Variants in EGLN2 observed in about 807,000 individuals in gnomAD.
EGLN2 encodes the protein egl-9 family hypoxia inducible factor 2, also known as prolyl hydroxylase EGLN2.
In EGLN2, 15 loss-of-function variants were observed where a neutral mutation model predicts 38.2. That is an observed-to-expected ratio of 0.39 (90% CI 0.26 to 0.60). The LOEUF (loss-of-function observed/expected upper bound fraction) is 0.60. Ranked by LOEUF, EGLN2 falls within the 20% of genes least tolerant of loss-of-function variation. The probability of loss-of-function intolerance (pLI) is 0.50; values close to 1 mark genes in which losing one functional copy is unlikely to be tolerated. For synonymous variants in EGLN2, 284 were observed against 237.4 expected (o/e 1.20, Z -1.81); for missense variants, 492 against 570.4 (o/e 0.86, Z 1.40).
Position 40,801,094 on chromosome 19 carries a change from CGAGCGCCT to C in EGLN2, c.524_531del (p.Glu175GlyfsTer70). ...TGGAGGAGGCGCTGCCCTCTGCGCC[CGAGCGCCT>C]GGCCCTGGACTATATCGTGCCCTGC... On this transcript the variant is annotated frameshift_variant, in exon 2 of 6. Coordinates refer to ENST00000303961, the MANE Select transcript of EGLN2 (RefSeq NM_080732.4). LOFTEE classifies it high-confidence loss of function. 2 of 1,612,716 alleles carry C rather than the reference CGAGCGCCT, an allele frequency of 1.2e-6. No individual in the cohort carries two copies. Among genetic ancestry groups the C allele is most frequent in the Non-Finnish European group, 1.7e-6 (2 of 1,179,938 alleles).
At chr19:40,803,273 G>C (rs952810021) in intron 2 of EGLN2, 7 of 152,308 alleles carry the variant, frequency 4.6e-5, no homozygotes, top group African/African-American at 1.7e-4. Context: ...AGTAGGAGAA[G>C]ATCTCTTGTG....
In EGLN2 at chr19:40,808,205, G is replaced by C. The variant is rs761827320; in HGVS notation, c.*341G>C. The C allele has an allele frequency of 4.3e-6, 2 of 464,682 alleles. No individual in the cohort carries two copies. The highest frequency in any genetic ancestry group is 7.6e-6 in the Non-Finnish European group (2 of 262,834). 28.8% of individuals were successfully genotyped at this position (464,682 alleles called of 1,614,324 possible). On this transcript the variant is annotated 3_prime_UTR_variant, in exon 6 of 6. Transcript: ENST00000303961. ...CACTTCCCACCAGGATGCAGGACTT[G>C]GGGTTGAGGTGAGTCATGGCCTCTT...
rs1431378884 is a variant in EGLN2, at chr19:40,801,049, T to C, written c.477T>C (p.Gly159=). 6.2e-7 allele frequency: 1 copy of C among 1,612,866 alleles called. No individual in the cohort carries two copies. Among genetic ancestry groups the C allele is most frequent in the Non-Finnish European group, 8.5e-7 (1 of 1,179,800 alleles). ...GMSCSCSSGS[G]EASAGLMEEA... ...GCTGCAGCTGCAGCAGTGGCAGTGG[T>C]GAGGCCAGTGCTGGGCTGATGGAGG... Residue 159 remains glycine, a synonymous_variant, in exon 2 of 6, where the codon GGT becomes GGC. Transcript: ENST00000303961.
chr19:40,800,216 G>T (rs575428231), intron 1 of EGLN2, 123 bp from the exon 2 acceptor site: 61 of 227,468 alleles, frequency 2.7e-4, no homozygotes, highest in African/African-American at 1.3e-3. Context: ...CAGGTTTTGG[G>T]GGGCCTCTAT....
rs758880158 is a variant in EGLN2 at position 40,800,631 on chromosome 19, C to T, written c.59C>T (p.Ser20Phe). 9.9e-6 allele frequency: 16 copies of T among 1,613,732 alleles called. No individual in the cohort carries two copies. In the South Asian group the frequency reaches 1.3e-4, roughly 13 times the overall value. The change falls in exon 2 of 6, where the codon TCT becomes TTT. Residue 20 changes from serine (S) to phenylalanine (F), a missense_variant. Ser to Phe is a radical substitution (Grantham distance 155). This residue lies in a region of EGLN2 where 378 missense variants were observed against 386.2 expected (regional missense o/e 0.98). Coordinates refer to ENST00000303961, the MANE Select transcript of EGLN2 (RefSeq NM_080732.4). ...LSQALPQLPG[S>F]SSEPLEPEPG... ...CAGGCTCTCCCTCAGTTACCAGGGT[C>T]TTCGTCAGAGCCCTTGGAGCCTGAG...
intron 3 of EGLN2, 177 bp from the exon 4 acceptor site, chr19:40,806,961 C>T: frequency 1.9e-6 from 2 of 1,076,164 alleles, no homozygotes; most frequent in Middle Eastern, 2.1e-4. Context: ...TCTTTAGTAG[C>T]TTCCTGCCCA....
chr19:40,807,122 T>C lies in EGLN2; in HGVS notation c.964-16T>C, dbSNP rs1568503214. 6.2e-7 allele frequency: 1 copy of C among 1,613,842 alleles called. No individual in the cohort carries two copies. Among genetic ancestry groups the C allele is most frequent in the Non-Finnish European group, 8.5e-7 (1 of 1,179,918 alleles). ...CTGGCCGTACCAGCTAGCCTCATCC[T>C]TTGGCCTGCCCCCAGGTGCATGGCG... On this transcript the variant is annotated splice_polypyrimidine_tract_variant and intron_variant, in intron 3 of 5. Coordinates refer to ENST00000303961, the MANE Select transcript of EGLN2 (RefSeq NM_080732.4).
intron 1 of EGLN2, chr19:40,799,523 C>G (rs2083234516): frequency 6.6e-6 from 1 of 151,276 alleles, no homozygotes; most frequent in Non-Finnish European, 1.5e-5. Flanking sequence ...CCGAGCGGCC[C>G]TTAGGCCCTG....
intron 2 of EGLN2, 88 bp downstream of exon 2, chr19:40,801,503 C>T: frequency 6.6e-7 from 1 of 1,521,224 alleles, no homozygotes; most frequent in Non-Finnish European, 8.8e-7. Flanking sequence ...GGTTTGGAGA[C>T]AGGCTTCTGG....
In EGLN2 at chr19:40,800,397, A is replaced by C; in HGVS notation, c.-176A>C. On this transcript the variant is annotated 5_prime_UTR_variant, in exon 2 of 6. Coordinates refer to ENST00000303961, the MANE Select transcript of EGLN2 (RefSeq NM_080732.4). ...GACCGCAGAGGACTTGGGGACCAGC[A>C]AGCAACCCCCAGGGCACGAGAAGAG... 1.0e-6 allele frequency: 1 copy of C among 995,384 alleles called. No individual in the cohort carries two copies. Among genetic ancestry groups the C allele is most frequent in the Non-Finnish European group, 1.4e-6 (1 of 702,934 alleles). 61.7% of individuals were successfully genotyped at this position (995,384 alleles called of 1,614,324 possible). A position where few individuals can be genotyped will look rare whatever the true frequency, so the allele number is the denominator to read the frequency against.
Position 40,800,906 on chromosome 19 carries a change from G to A in EGLN2, c.334G>A (p.Ala112Thr), listed in dbSNP as rs1158264174. 5.6e-6 allele frequency: 9 copies of A among 1,609,386 alleles called. No individual in the cohort carries two copies. The highest frequency in any genetic ancestry group is 1.3e-5 in the African/African-American group (1 of 75,030). Residue 112 changes from alanine to threonine, a missense_variant, in exon 2 of 6, where the codon GCA becomes ACA. Transcript: ENST00000303961. Reference protein sequence around the residue: ...KGCQRLAAQGARPEAPKRKWA... With the variant: ...KGCQRLAAQGTRPEAPKRKWA... ...GTGCCAGCGATTGGCAGCCCAGGGC[G>A]CACGGCCTGAGGCCCCCAAACGGAA...
chr19:40,801,419 A>C lies in EGLN2; in HGVS notation c.843+4A>C. 1 of 1,599,702 alleles carries C rather than the reference A, an allele frequency of 6.3e-7. No homozygotes were observed. The highest frequency in any genetic ancestry group is 1.7e-4 in the Middle Eastern group (1 of 6,032). On this transcript the variant is annotated splice_donor_region_variant and intron_variant, in intron 2 of 5. Transcript: ENST00000303961. ...TGTCATCAACGGGCGCACCAAGGTA[A>C]GGCTAGGTGGGGGCCTCTTTGGAGG...
At chr19:40,807,678 C>T in intron 5 of EGLN2, 127 bp downstream of exon 5, 2 of 1,400,344 alleles carry the variant, frequency 1.4e-6, no homozygotes, top group South Asian at 1.2e-5. Context: ...TGCCCACCTT[C>T]CTTAGCCCAC....
Position 40,808,161 on chromosome 19 carries a change from A to T in EGLN2, c.*297A>T, listed in dbSNP as rs1041975014. The T allele has an allele frequency of 2.0e-6, 1 of 491,072 alleles. No individual in the cohort carries two copies. Among genetic ancestry groups the T allele is most frequent in the Non-Finnish European group, 3.6e-6 (1 of 277,220 alleles). 30.4% of individuals were successfully genotyped at this position (491,072 alleles called of 1,614,324 possible). A position where few individuals can be genotyped will look rare whatever the true frequency, so the allele number is the denominator to read the frequency against. ...GGTCATGACCCCATTAGGTATGGAG[A>T]GCTGGGAGGAGGCATTGTCACTTCC... On this transcript the variant is annotated 3_prime_UTR_variant, in exon 6 of 6. Coordinates refer to ENST00000303961, the MANE Select transcript of EGLN2 (RefSeq NM_080732.4).
intron 5 of EGLN2, 104 bp from the exon 6 acceptor site, chr19:40,807,705 C>A: frequency 7.0e-7 from 1 of 1,434,338 alleles, no homozygotes; most frequent in Non-Finnish European, 9.7e-7. Context: ...GGTACCCCAA[C>A]AGGAGCCCCA....
At chr19:40,806,462 C>A in intron 2 of EGLN2, 93 bp from the exon 3 acceptor site, 1 of 1,574,666 alleles carries the variant, frequency 6.4e-7, no homozygotes. Flanking sequence ...GAAGATGGGG[C>A]AAGGAGGGGT....
Position 40,807,900 on chromosome 19 carries a change from A to T in EGLN2, c.*36A>T, listed in dbSNP as rs1386014636. ...CAGAGCCGCATGGCAGACAGCTTAA[A>T]TGACTTCAGGAGAGCCCTGGGCCTG... On this transcript the variant is annotated 3_prime_UTR_variant, in exon 6 of 6. Transcript: ENST00000303961. 6.2e-7 allele frequency: 1 copy of T among 1,607,634 alleles called. No individual in the cohort carries two copies. Among genetic ancestry groups the T allele is most frequent in the African/African-American group, 1.3e-5 (1 of 74,782 alleles).
Position 40,807,253 on chromosome 19 carries a change from TGAAGCCA to T in EGLN2, c.1081_1087del (p.Lys361ProfsTer27). ...TCTGACCGGCGGAACCCCCACGAGG[TGAAGCCA>T]GCCTATGCCACCAGGTATGACCTGT... On this transcript the variant is annotated frameshift_variant, in exon 4 of 6. Coordinates refer to ENST00000303961, the MANE Select transcript of EGLN2 (RefSeq NM_080732.4). LOFTEE classifies it high-confidence loss of function. 1 of 1,614,136 alleles carries T rather than the reference TGAAGCCA, an allele frequency of 6.2e-7. No individual in the cohort carries two copies. The highest frequency in any genetic ancestry group is 8.5e-7 in the Non-Finnish European group (1 of 1,179,996).
At position 40,801,091 on chromosome 19, in the gene EGLN2, G is replaced by A. The variant is rs200595622; in HGVS notation, c.519G>A (p.Ala173=). The A allele has an allele frequency of 8.2e-5, 133 of 1,612,678 alleles. No homozygotes were observed. In the East Asian group the frequency reaches 2.3e-3, roughly 28 times the overall value. The change falls in exon 2 of 6, where the codon GCG becomes GCA. Residue 173 remains alanine (A), a synonymous_variant. Transcript: ENST00000303961. ...AGLMEEALPS[A]PERLALDYIV... ...TGATGGAGGAGGCGCTGCCCTCTGC[G>A]CCCGAGCGCCTGGCCCTGGACTATA... is the stretch of plus-strand genomic sequence containing the variant.
Sources: gnomAD v4.1 joint callset for allele counts on GRCh38, gnomAD v4.1.1 for gene constraint, gnomAD v4.1.1 regional missense constraint, MANE v1.5 for transcripts, NCBI Gene and HGNC (gene_info 2026-07-23, HGNC 2026-07-21) for gene names.